FGD3: variants seen among roughly 807,000 people sequenced by gnomAD.
The protein encoded by FGD3 is FYVE, RhoGEF and PH domain-containing protein 3.
Under a neutral mutation model 71.8 loss-of-function variants are expected in FGD3, and 45 were observed. The observed-to-expected ratio is 0.63, with a 90% confidence interval of 0.49 to 0.80. The LOEUF (loss-of-function observed/expected upper bound fraction) is 0.80. Ranked by LOEUF, FGD3 falls within the 30% of genes least tolerant of loss-of-function variation. The pLI is 0.00. For missense variants in FGD3, 844 were observed against 951.5 expected (o/e 0.89, Z 1.49); for synonymous variants, 378 against 392.8 (o/e 0.96, Z 0.44).
chr9:92,971,420 C>A (rs936142433), intron 1 of FGD3, among the ~76,000 whole-genome samples: 1 of 152,032 alleles, frequency 6.6e-6, no homozygotes, highest in Non-Finnish European at 1.5e-5. Context: ...CAACCACACA[C>A]CTCCTCACCT....
intron 16 of FGD3, 39 bp from the exon 17 acceptor site, chr9:93,034,502 A>C: frequency 6.3e-7 from 1 of 1,579,048 alleles, no homozygotes; most frequent in East Asian, 2.3e-5. Context: ...TGACCACTGC[A>C]GGGGAGACTG....
At chr9:92,963,071 C>T (rs990602444) in intron 1 of FGD3, among the ~76,000 whole-genome samples, 8 of 152,188 alleles carry the variant, frequency 5.3e-5, no homozygotes, top group African/African-American at 1.2e-4. Context: ...TCTGCATCCT[C>T]ACACAGGCAG....
intron 17 of FGD3, among the ~76,000 whole-genome samples, chr9:93,034,993 C>G (rs1369645442): frequency 1.3e-5 from 2 of 152,290 alleles, no homozygotes; most frequent in South Asian, 4.1e-4. Flanking sequence ...TGGCCCGGCC[C>G]CTTGGAGCCC....
intron 3 of FGD3, among the ~76,000 whole-genome samples, chr9:92,987,853 C>T (rs908048179): frequency 7.9e-5 from 12 of 152,204 alleles, no homozygotes; most frequent in South Asian, 2.1e-4. Context: ...TTCACCATTT[C>T]GCCCCTTAGC....
chr9:92,956,891 T>C (rs965424122), intron 1 of FGD3, among the ~76,000 whole-genome samples: 3 of 143,820 alleles, frequency 2.1e-5, no homozygotes, highest in African/African-American at 5.3e-5. Context: ...CAGTCTGGAG[T>C]GCAGTGGTGC....
intron 5 of FGD3, 54 bp downstream of exon 5, chr9:93,004,191 G>C (rs1860963971): frequency 3.7e-6 from 6 of 1,600,194 alleles, no homozygotes; most frequent in African/African-American, 1.3e-5. Flanking sequence ...TCTAGACCAG[G>C]GTTCATGTGC....
At chr9:92,974,843 G>T (rs1181870961) in intron 1 of FGD3, 2 of 152,402 alleles carry the variant, frequency 1.3e-5, no homozygotes, top group Non-Finnish European at 2.9e-5. Flanking sequence ...GAGGGTGTGA[G>T]GTGTGGGCTA....
chr9:92,995,847 C>G (rs971451183), intron 3 of FGD3, among the ~76,000 whole-genome samples: 2 of 152,084 alleles, frequency 1.3e-5, no homozygotes, highest in Non-Finnish European at 2.9e-5. Flanking sequence ...GATGGATAAG[C>G]CTTTTGATGT....
chr9:93,008,841 AC>A, intron 6 of FGD3, among the ~76,000 whole-genome samples: 1 of 151,766 alleles, frequency 6.6e-6, no homozygotes. Context: ...GCACACTCAT[AC>A]CTGTAATCCC....
At chr9:93,005,896 G>A (rs887095286) in intron 5 of FGD3, 128 bp from the exon 6 acceptor site, 5 of 983,554 alleles carry the variant, frequency 5.1e-6, no homozygotes, top group Non-Finnish European at 7.3e-6. Context: ...CAGAGAGGGT[G>A]ACCAATTTGC....
Position 93,004,091 on chromosome 9 carries a change from G to T in FGD3, c.634G>T (p.Gly212Trp). Residue 212 changes from glycine (G) to tryptophan (W), a missense_variant, in exon 5 of 18, where the codon GGG becomes TGG. Transcript: ENST00000375482. ...SNISSIHRFH[G>W]QFLLPELKTR... The stretch of plus-strand genomic sequence containing the variant: ...CATCTCCTCCATCCACCGCTTCCAC[G>T]GGCAGTTCCTGCTGCCGGAGCTGAA... The T allele has an allele frequency of 6.2e-7, 1 of 1,614,156 alleles. No homozygotes were observed. Among genetic ancestry groups the T allele is most frequent in the South Asian group, 1.1e-5 (1 of 91,090 alleles).
chr9:92,972,962 C>A (rs1859590687), intron 1 of FGD3, among the ~76,000 whole-genome samples: 3 of 152,136 alleles, frequency 2.0e-5, no homozygotes, highest in African/African-American at 7.2e-5. Flanking sequence ...CACGTCTCTA[C>A]TGGATTTTAG....
At chr9:93,006,263 T>G in intron 6 of FGD3, 83 bp downstream of exon 6, 3 of 1,274,436 alleles carry the variant, frequency 2.4e-6, no homozygotes, top group Non-Finnish European at 3.1e-6. Flanking sequence ...AACATATGTA[T>G]ATATGTATAT....
intron 10 of FGD3, among the ~76,000 whole-genome samples, chr9:93,016,824 A>G (rs929326341): frequency 1.5e-5 from 2 of 136,726 alleles, no homozygotes; most frequent in Admixed American, 7.4e-5. Context: ...GGGTTTCACC[A>G]TGTGGTCAGG....
chr9:92,956,114 G>C lies in FGD3; in HGVS notation c.-218+8385G>C, dbSNP rs547833461. On this transcript the variant is annotated intron_variant, in intron 1 of 17. Transcript: ENST00000375482. ...CTTGCTAAATTCACATACTAGTTCT[G>C]GGAGTTTTGTTTGTTTGTTTGTTTG... is the stretch of plus-strand genomic sequence containing the variant. 2.6e-5 allele frequency among the ~76,000 whole-genome samples: 4 copies of C among 152,254 alleles called. No individual in the cohort carries two copies. In the East Asian group the frequency reaches 7.7e-4, roughly 29 times the overall value.
intron 3 of FGD3, among the ~76,000 whole-genome samples, chr9:92,980,104 T>A (rs1165065487): frequency 6.6e-6 from 1 of 151,850 alleles, no homozygotes; most frequent in East Asian, 1.9e-4. Context: ...AACTGCAACC[T>A]CCACCTCCTG....
chr9:92,989,355 T>C (rs1860312205), intron 3 of FGD3, among the ~76,000 whole-genome samples: 1 of 152,126 alleles, frequency 6.6e-6, no homozygotes, highest in African/African-American at 2.4e-5. Flanking sequence ...GGCCAACCCC[T>C]GACCTCTTCA....
chr9:93,016,001 G>T (rs947734705), intron 10 of FGD3, among the ~76,000 whole-genome samples, 172 bp downstream of exon 10: 1 of 152,174 alleles, frequency 6.6e-6, no homozygotes. Context: ...CAGTCCTGGT[G>T]CCCCAGGCTG....
chr9:93,018,249 G>T, intron 11 of FGD3, 34 bp downstream of exon 11: 1 of 1,567,880 alleles, frequency 6.4e-7, no homozygotes, highest in South Asian at 1.1e-5. Context: ...GAATGTCTTT[G>T]ACCTCATGTC....
Sources: allele counts gnomAD v4.1 joint callset (sites outside exome capture counted in the v4.1 genomes callset), GRCh38; gene constraint gnomAD v4.1.1; transcripts MANE v1.5; gene names NCBI Gene and HGNC (gene_info 2026-07-23, HGNC 2026-07-21).